Variants in SNX18 observed in about 807,000 individuals in gnomAD.
SNX18 encodes sorting nexin 18.
SNX18 carries 35 observed loss-of-function variants against 48.7 expected under a neutral mutation model. That is an observed-to-expected ratio of 0.72 (90% CI 0.55 to 0.95). The LOEUF (loss-of-function observed/expected upper bound fraction) is 0.95. Ranked by LOEUF, SNX18 falls within the 40% of genes least tolerant of loss-of-function variation. The pLI, the probability that SNX18 is intolerant of heterozygous loss-of-function variation, is 0.00. For missense variants in SNX18, 824 were observed against 871.0 expected (o/e 0.95, Z 0.68); for synonymous variants, 492 against 384.7 (o/e 1.28, Z -3.26).
chr5:54,564,885 A>T, the SNX18 span, among the ~76,000 whole-genome samples: 1 of 152,130 alleles, frequency 6.6e-6, no homozygotes, highest in Non-Finnish European at 1.5e-5. Flanking sequence ...ACAAACAAAC[A>T]AACAAACAAA....
At chr5:54,596,952 G>A in the SNX18 span, among the ~76,000 whole-genome samples, 3 of 152,114 alleles carry the variant, frequency 2.0e-5, no homozygotes, top group Non-Finnish European at 2.9e-5. Context: ...GTACTGACAC[G>A]AAGTGGCAAG....
chr5:54,595,044 T>C, the SNX18 span, among the ~76,000 whole-genome samples: 1 of 152,232 alleles, frequency 6.6e-6, no homozygotes, highest in Non-Finnish European at 1.5e-5. Flanking sequence ...GGTGTATATA[T>C]ACTACATTTT....
the SNX18 span, among the ~76,000 whole-genome samples, chr5:54,567,114 C>A: frequency 6.6e-6 from 1 of 152,078 alleles, no homozygotes; most frequent in Non-Finnish European, 1.5e-5. Context: ...TGTGTTATTA[C>A]AATCAAATTT....
At chr5:54,590,801 C>T in the SNX18 span, among the ~76,000 whole-genome samples, 1 of 152,196 alleles carries the variant, frequency 6.6e-6, no homozygotes, top group Non-Finnish European at 1.5e-5. Context: ...TAATCCGTTG[C>T]TTGCTTACTG....
At chr5:54,570,096 C>T in the SNX18 span, among the ~76,000 whole-genome samples, 3 of 152,296 alleles carry the variant, frequency 2.0e-5, no homozygotes, top group South Asian at 6.2e-4. Flanking sequence ...TGAGGGTATA[C>T]TGGAATAGGG....
At chr5:54,614,702 TACTC>T in the SNX18 span, among the ~76,000 whole-genome samples, 1 of 152,118 alleles carries the variant, frequency 6.6e-6, no homozygotes, top group African/African-American at 2.4e-5. Flanking sequence ...TAGTCCCAGA[TACTC>T]ACTCTGGAGG....
rs149376475 is a variant in SNX18 at position 54,528,314 on chromosome 5, C to T, written c.1621+8741C>T. 2.7e-3 allele frequency among the ~76,000 whole-genome samples: 407 copies of T among 152,230 alleles called. 2 individuals carry two copies. The highest frequency in any genetic ancestry group is 9.3e-3 in the African/African-American group (388 of 41,534). ...GAGCTCATGTGTAGAGCAGTAGGTA[C>T]TTGCCCTCATGGAAGGCCCACTCAG... On this transcript the variant is annotated intron_variant, in intron 1 of 1. Coordinates refer to ENST00000381410, the MANE Select transcript of SNX18 (RefSeq NM_001102575.2).
intron 1 of SNX18, among the ~76,000 whole-genome samples, chr5:54,528,952 T>C (rs1762199533): frequency 6.6e-6 from 1 of 152,100 alleles, no homozygotes; most frequent in Admixed American, 6.5e-5. Flanking sequence ...TGCCTAGACA[T>C]TGGTGTTCTT....
chr5:54,639,345 A>C, the SNX18 span, among the ~76,000 whole-genome samples: 3 of 152,232 alleles, frequency 2.0e-5, no homozygotes, highest in African/African-American at 7.2e-5. Flanking sequence ...TATTTGTAGA[A>C]TGTATGGAGT....
the SNX18 span, among the ~76,000 whole-genome samples, chr5:54,636,755 T>A: frequency 6.6e-6 from 1 of 152,222 alleles, no homozygotes; most frequent in African/African-American, 2.4e-5. Flanking sequence ...CTAACATGCA[T>A]ATAACACTTG....
chr5:54,564,592 C>T, the SNX18 span, among the ~76,000 whole-genome samples: 4 of 152,202 alleles, frequency 2.6e-5, no homozygotes, highest in African/African-American at 9.6e-5. Context: ...CGCAGTGGCT[C>T]ACGCCTGTAA....
the SNX18 span, among the ~76,000 whole-genome samples, chr5:54,578,964 T>G: frequency 2.1e-4 from 32 of 152,230 alleles, no homozygotes; most frequent in Non-Finnish European, 3.7e-4. Context: ...ACTTATTGGA[T>G]AGTTTAAGCA....
In SNX18 at chr5:54,535,763, T is replaced by C. The variant is rs568298344; in HGVS notation, c.1622-7416T>C. ...GGAGAGACTTGTATAAAAACTCTTC[T>C]AAGACCTTTTTAGCTTTATTAAAAA... On this transcript the variant is annotated intron_variant, in intron 1 of 1. Coordinates refer to ENST00000381410, the MANE Select transcript of SNX18 (RefSeq NM_001102575.2). Among the ~76,000 whole-genome samples, 85 of 152,322 alleles carry C rather than the reference T, an allele frequency of 5.6e-4. 1 individual carries two copies. Among genetic ancestry groups the C allele is most frequent in the South Asian group, 3.3e-3 (16 of 4,832 alleles).
chr5:54,618,055 CAT>C, the SNX18 span, among the ~76,000 whole-genome samples: 4 of 152,152 alleles, frequency 2.6e-5, no homozygotes, highest in South Asian at 8.3e-4. Context: ...ATAATCCCCA[CAT>C]GTCATGGGAG....
chr5:54,553,698 A>G, the SNX18 span, among the ~76,000 whole-genome samples: 6 of 152,252 alleles, frequency 3.9e-5, no homozygotes, highest in South Asian at 2.1e-4. Context: ...ACTGCCTTCT[A>G]AGTTTCTGGG....
the SNX18 span, among the ~76,000 whole-genome samples, chr5:54,595,820 C>T: frequency 6.6e-6 from 1 of 152,206 alleles, no homozygotes; most frequent in Non-Finnish European, 1.5e-5. Flanking sequence ...GCTGAACTCC[C>T]TTCAGAGGCT....
rs1762506601 is a variant in SNX18 at position 54,543,238 on chromosome 5, C to T, written c.1681C>T (p.Gln561Ter). The change falls in exon 2 of 2, where the codon CAG becomes TAG. Residue 561 changes from glutamine (Q) to a stop codon, truncating the protein, a stop_gained. Coordinates refer to ENST00000381410, the MANE Select transcript of SNX18 (RefSeq NM_001102575.2). LOFTEE classifies it high-confidence loss of function. ...RHVEEGKMEV[Q>*]KADGIQDRCN... ...CGTGGAGGAAGGGAAGATGGAGGTG[C>T]AGAAGGCTGACGGCATTCAGGATCG... 1 of 1,613,982 alleles carries T rather than the reference C, an allele frequency of 6.2e-7. No homozygotes were observed. The highest frequency in any genetic ancestry group is 8.5e-7 in the Non-Finnish European group (1 of 1,180,030).
At chr5:54,600,254 T>C in the SNX18 span, among the ~76,000 whole-genome samples, 1 of 151,966 alleles carries the variant, frequency 6.6e-6, no homozygotes, top group Non-Finnish European at 1.5e-5. Flanking sequence ...ATTAGAGAAA[T>C]GCAAATCAAA....
Position 54,517,829 on chromosome 5 carries a change from C to G in SNX18, c.-124C>G, listed in dbSNP as rs541424472. ...GGGCGCGACCGGCTGGTCCGGGCAG[C>G]GTGGGTTTGCCGCCTTCGGGGCTCC... On this transcript the variant is annotated 5_prime_UTR_variant, in exon 1 of 2. Coordinates refer to ENST00000381410, the MANE Select transcript of SNX18 (RefSeq NM_001102575.2). 4,383 of 1,055,046 alleles carry G rather than the reference C, an allele frequency of 4.2e-3. 11 individuals carry two copies. The highest frequency in any genetic ancestry group is 5.0e-3 in the Admixed American group (116 of 23,196). 65.4% of individuals were successfully genotyped at this position (1,055,046 alleles called of 1,614,324 possible). A position where few individuals can be genotyped will look rare whatever the true frequency, so the allele number is the denominator to read the frequency against.
Sources: gnomAD v4.1 joint callset for allele counts (sites outside exome capture counted in the v4.1 genomes callset) on GRCh38, gnomAD v4.1.1 for gene constraint, MANE v1.5 for transcripts, NCBI Gene and HGNC (gene_info 2026-07-23, HGNC 2026-07-21) for gene names.